The following SFMBT2 variants were observed in gnomAD, a reference collection of about 807,000 sequenced individuals.
SFMBT2 encodes Scm like with four mbt domains 2, also known as scm-like with four MBT domains protein 2.
In SFMBT2, 38 loss-of-function variants were observed where a neutral mutation model predicts 110.1. That is an observed-to-expected ratio of 0.35 (90% CI 0.27 to 0.45). The LOEUF (loss-of-function observed/expected upper bound fraction) is 0.45. Ranked by LOEUF, SFMBT2 falls within the 20% of genes least tolerant of loss-of-function variation. SFMBT2 has a pLI of 1.00. For missense variants in SFMBT2, 1,011 were observed against 1,094.9 expected (o/e 0.92, Z 1.08); for synonymous variants, 425 against 425.4 (o/e 1.00, Z 0.01).
Position 7,171,746 on chromosome 10 carries a change from C to T in SFMBT2, c.2415+149G>A. The T allele has an allele frequency of 1.0e-6, 1 of 993,282 alleles. No homozygotes were observed. The highest frequency in any genetic ancestry group is 1.3e-6 in the Non-Finnish European group (1 of 752,956). 61.5% of individuals were successfully genotyped at this position (993,282 alleles called of 1,614,324 possible). A position where few individuals can be genotyped will look rare whatever the true frequency, so the allele number is the denominator to read the frequency against. ...CCTCCACCCAGAGGTGAAGTGCCAGCCTTTGTTCCTGACTTGGGAACTAGC... is the reference window on the plus strand; with the variant it reads ...CCTCCACCCAGAGGTGAAGTGCCAGTCTTTGTTCCTGACTTGGGAACTAGC... On this transcript the variant is annotated intron_variant, in intron 19 of 20. Coordinates refer to ENST00000397167, the MANE Select transcript of SFMBT2 (RefSeq NM_001387889.1). This position sits in a 1 kb window ranked among gnomAD's most constrained non-coding sequence, Gnocchi z 4.9.
intron 7 of SFMBT2, among the ~76,000 whole-genome samples, chr10:7,250,243 CCCTCCCCT>C (rs1467017470): frequency 6.6e-6 from 1 of 152,090 alleles, no homozygotes; most frequent in African/African-American, 2.4e-5. Flanking sequence ...CTCATTTCCC[CCCTCCCCT>C]CTAGTAGTCT....
rs1044681 is a variant in SFMBT2, at chr10:7,159,149, G to A, written c.*4621C>T. 0.15 allele frequency: 23,073 copies of A among 152,078 alleles called. 2,021 individuals carry two copies. Among genetic ancestry groups the A allele is most frequent in the African/African-American group, 0.23 (9,473 of 41,436 alleles). The allele number at this position is 152,078 out of a possible 1,614,324, so 9.4% of individuals were successfully genotyped here. A position where few individuals can be genotyped will look rare whatever the true frequency, so the allele number is the denominator to read the frequency against. On this transcript the variant is annotated 3_prime_UTR_variant, in exon 21 of 21. Transcript: ENST00000397167. ...TCTGCGTTGGTTAGGCGACACGACCGTCATACTTACTGGGCCAAATCCCAT... is the reference window on the plus strand; with the variant it reads ...TCTGCGTTGGTTAGGCGACACGACCATCATACTTACTGGGCCAAATCCCAT...
At chr10:7,336,504 A>G (rs1424110825) in intron 4 of SFMBT2, among the ~76,000 whole-genome samples, 1 of 152,230 alleles carries the variant, frequency 6.6e-6, no homozygotes, top group Non-Finnish European at 1.5e-5. Flanking sequence ...AGATATCAGG[A>G]TAAGGCTGGG....
intron 7 of SFMBT2, among the ~76,000 whole-genome samples, chr10:7,262,830 T>C (rs1481729566): frequency 1.3e-5 from 2 of 152,196 alleles, no homozygotes; most frequent in East Asian, 1.9e-4. Context: ...AAAAACTAGA[T>C]GGCCCCGCTG....
chr10:7,399,204 A>G (rs141390123), intron 1 of SFMBT2, among the ~76,000 whole-genome samples: 2,784 of 152,034 alleles, frequency 0.018, 35 homozygotes, highest in South Asian at 0.053. Context: ...GTGCATAGAT[A>G]TCTCCTATCC....
intron 4 of SFMBT2, among the ~76,000 whole-genome samples, chr10:7,361,280 G>A (rs571893355): frequency 1.4e-4 from 22 of 152,284 alleles, no homozygotes; most frequent in African/African-American, 5.3e-4. Flanking sequence ...TTACTGAAAT[G>A]TCATTTACAT....
rs549935978 is a variant in SFMBT2, at chr10:7,395,794, G to A, written c.-51-13845C>T. On this transcript the variant is annotated intron_variant, in intron 1 of 20. Coordinates refer to ENST00000397167, the MANE Select transcript of SFMBT2 (RefSeq NM_001387889.1). ...GTAAAATTTTCTATTATATCCCTAA[G>A]GCTATGAATGTTTTTCAGATTTTCT... Among the ~76,000 whole-genome samples, 11 of 150,716 alleles carry A rather than the reference G, an allele frequency of 7.3e-5. No individual in the cohort carries two copies. In the East Asian group the frequency reaches 7.8e-4, roughly 11 times the overall value.
At chr10:7,325,339 T>C (rs1480742581) in intron 4 of SFMBT2, among the ~76,000 whole-genome samples, 4 of 152,122 alleles carry the variant, frequency 2.6e-5, no homozygotes, top group Non-Finnish European at 4.4e-5. Flanking sequence ...TTCACAAACG[T>C]TCAGGCCATA....
At chr10:7,393,928 T>A (rs1023623817) in intron 1 of SFMBT2, among the ~76,000 whole-genome samples, 1 of 152,212 alleles carries the variant, frequency 6.6e-6, no homozygotes, top group African/African-American at 2.4e-5. Context: ...CTCTTGTTGA[T>A]GCCACTCTAA....
chr10:7,327,135 GAAA>G (rs35099211), intron 4 of SFMBT2, among the ~76,000 whole-genome samples: 266 of 125,556 alleles, frequency 2.1e-3, no homozygotes, highest in African/African-American at 5.0e-3. Flanking sequence ...GGTCTTCCTT[GAAA>G]AAAAAAAAAA....
chr10:7,295,472 GGAATT>G (rs1337379216), intron 4 of SFMBT2, among the ~76,000 whole-genome samples: 1 of 152,152 alleles, frequency 6.6e-6, no homozygotes, highest in African/African-American at 2.4e-5. Flanking sequence ...GACGGCTTTA[GGAATT>G]GTGTCTGTTT....
intron 1 of SFMBT2, among the ~76,000 whole-genome samples, chr10:7,390,529 A>G (rs1336981600): frequency 6.6e-6 from 1 of 152,240 alleles, no homozygotes; most frequent in East Asian, 1.9e-4. Context: ...TGTGTCATAC[A>G]AAGACTATTT....
At chr10:7,254,003 T>G (rs1536494) in intron 7 of SFMBT2, among the ~76,000 whole-genome samples, 39,182 of 152,060 alleles carry the variant, frequency 0.26, 5,366 homozygotes, top group South Asian at 0.43. Flanking sequence ...AGAAACGTTT[T>G]ACTGCAAGAG....
chr10:7,360,398 C>T (rs144328570), intron 4 of SFMBT2, among the ~76,000 whole-genome samples: 18 of 152,140 alleles, frequency 1.2e-4, no homozygotes, highest in Non-Finnish European at 2.2e-4. Context: ...CCCCGGGAGG[C>T]AGAGGTTGCA....
At chr10:7,179,391 G>GAAAAAAAAAAAAAAAAAAA (rs57497418) in intron 16 of SFMBT2, among the ~76,000 whole-genome samples, 1 of 70,300 alleles carries the variant, frequency 1.4e-5, no homozygotes, top group African/African-American at 5.3e-5. Flanking sequence ...TTGCATTTTC[G>GAAAAAAAAAAAAAAAAAAA]AAAAAAAAAA....
At chr10:7,253,353 G>A (rs929574090) in intron 7 of SFMBT2, among the ~76,000 whole-genome samples, 7 of 152,188 alleles carry the variant, frequency 4.6e-5, no homozygotes, top group Admixed American at 6.5e-5. Flanking sequence ...TGGCATCAAA[G>A]TGGAGGCATC....
chr10:7,179,429 C>T (rs1225888426), intron 16 of SFMBT2, among the ~76,000 whole-genome samples: 1 of 138,320 alleles, frequency 7.2e-6, no homozygotes, highest in African/African-American at 2.7e-5. Flanking sequence ...AAAGAAACAG[C>T]ACAACTGGGA....
At chr10:7,181,947 A>G (rs1359890499) in intron 16 of SFMBT2, among the ~76,000 whole-genome samples, 2 of 152,228 alleles carry the variant, frequency 1.3e-5, no homozygotes, top group African/African-American at 4.8e-5. Flanking sequence ...ACAGCATTTG[A>G]TCACTTGATC....
At chr10:7,259,673 G>A (rs1472724604) in intron 7 of SFMBT2, among the ~76,000 whole-genome samples, 1 of 152,190 alleles carries the variant, frequency 6.6e-6, no homozygotes, top group African/African-American at 2.4e-5. Flanking sequence ...TCGCTGATGA[G>A]ACACCTGACC....
Sources: gnomAD v4.1 joint callset for allele counts (sites outside exome capture counted in the v4.1 genomes callset) on GRCh38, gnomAD v4.1.1 for gene constraint, Gnocchi (gnomAD v3.1) non-coding constraint, MANE v1.5 for transcripts, NCBI Gene and HGNC (gene_info 2026-07-23, HGNC 2026-07-21) for gene names.